The following TRIM49 variants were observed in gnomAD, a reference collection of about 807,000 sequenced individuals.
The protein encoded by TRIM49 is tripartite motif-containing protein 49.
In TRIM49, 5 loss-of-function variants were observed where a neutral mutation model predicts 27.4. The observed-to-expected ratio is 0.18, with a 90% CI of 0.10 to 0.38. TRIM49 has a LOEUF of 0.38. Ranked by LOEUF, TRIM49 falls within the 10% of genes least tolerant of loss-of-function variation. TRIM49 has a pLI of 1.00. For synonymous variants in TRIM49, 69 were observed against 166.0 expected (o/e 0.42, Z 4.49); for missense variants, 188 against 487.5 (o/e 0.39, Z 5.79).
chr11:89,796,427 G>A (rs1949689380), downstream of TRIM49, among the ~76,000 whole-genome samples: 1 of 137,622 alleles, frequency 7.3e-6, no homozygotes, highest in African/African-American at 3.1e-5. Context: ...GTAGACATGA[G>A]GTCTGACTAT....
downstream of TRIM49, among the ~76,000 whole-genome samples, chr11:89,792,720 G>C (rs1404798514): frequency 1.3e-5 from 2 of 152,132 alleles, no homozygotes; most frequent in African/African-American, 4.8e-5. Flanking sequence ...CAACATACTG[G>C]AATCTCTGGG....
chr11:89,785,232 A>G, the TRIM49 span, among the ~76,000 whole-genome samples: 787 of 66,928 alleles, frequency 0.012, 66 homozygotes, highest in African/African-American at 0.055. Context: ...CAGTGAATAA[A>G]TAAATAAATA....
chr11:89,795,885 T>TAA (rs770474789), downstream of TRIM49, among the ~76,000 whole-genome samples: 43 of 149,772 alleles, frequency 2.9e-4, no homozygotes, highest in African/African-American at 8.8e-4. Flanking sequence ...TAAAGTATAA[T>TAA]GAAAAAAAAA....
chr11:89,800,315 G>T (rs1949724400), intron 6 of TRIM49, among the ~76,000 whole-genome samples: 1 of 151,596 alleles, frequency 6.6e-6, no homozygotes, highest in Non-Finnish European at 1.5e-5. Flanking sequence ...ATGTATATAT[G>T]TATAAAAAAC....
chr11:89,768,127 G>T, the TRIM49 span: 24 of 872,096 alleles, frequency 2.8e-5, 2 homozygotes, highest in Non-Finnish European at 3.9e-5. Context: ...TGGGAAGGCT[G>T]CCCATAGAAA....
chr11:89,792,145 G>A, the TRIM49 span, among the ~76,000 whole-genome samples: 1 of 152,126 alleles, frequency 6.6e-6, no homozygotes, highest in Admixed American at 6.5e-5. Context: ...AAGAGACAAA[G>A]AAGGCCATTA....
At chr11:89,790,525 C>T in the TRIM49 span, among the ~76,000 whole-genome samples, 35 of 152,108 alleles carry the variant, frequency 2.3e-4, no homozygotes, top group African/African-American at 4.8e-4. Context: ...ACACCTCACA[C>T]GGCCACTTAC....
chr11:89,792,878 A>G (rs1949664571), downstream of TRIM49, among the ~76,000 whole-genome samples: 1 of 152,148 alleles, frequency 6.6e-6, no homozygotes, highest in Non-Finnish European at 1.5e-5. Context: ...AGCAGAAGGC[A>G]AGAAATAACT....
chr11:89,792,849 G>A (rs1326547669), downstream of TRIM49, among the ~76,000 whole-genome samples: 3 of 152,116 alleles, frequency 2.0e-5, no homozygotes, highest in Admixed American at 2.0e-4. Flanking sequence ...AGAAGCAAGA[G>A]CAAACACATT....
the TRIM49 span, among the ~76,000 whole-genome samples, chr11:89,790,889 G>A: frequency 6.6e-6 from 1 of 152,150 alleles, no homozygotes; most frequent in Non-Finnish European, 1.5e-5. Context: ...ATGGAACGAA[G>A]CTGGATGGAG....
At position 89,798,292 on chromosome 11, in the gene TRIM49, C is replaced by T; in HGVS notation, c.1197G>A (p.Leu399=). The change falls in exon 8 of 8, where the codon CTG becomes CTA. Residue 399 remains leucine (L), a synonymous_variant. Transcript: ENST00000329758. ...CSLFTTSPLM[L]QYIPKPTSRV... is the part of the protein sequence containing the mutation. ...GGCTGGTAGGTTTTGGGATATATTGCAGCATAAGTGGGGAGGTGGTAAAGA... is the reference window on the plus strand; with the variant it reads ...GGCTGGTAGGTTTTGGGATATATTGTAGCATAAGTGGGGAGGTGGTAAAGA... The T allele has an allele frequency of 1.3e-6, 2 of 1,577,524 alleles. No individual in the cohort carries two copies. Among genetic ancestry groups the T allele is most frequent in the Non-Finnish European group, 1.7e-6 (2 of 1,167,164 alleles).
the TRIM49 span, chr11:89,777,367 G>T: frequency 6.5e-7 from 1 of 1,532,022 alleles, no homozygotes; most frequent in Non-Finnish European, 8.8e-7. Context: ...CCAATAGGAT[G>T]GGCTGCTGAG....
rs1185210250 is a variant in TRIM49 at position 89,803,680 on chromosome 11, G to C, written c.507+18C>G. On this transcript the variant is annotated intron_variant, in intron 4 of 7. Coordinates refer to ENST00000329758, the MANE Select transcript of TRIM49 (RefSeq NM_020358.2). ...CCACCATAAGTTCCTGGAGAAGGTAGAGTAGTACAGGACTAACCTTCCAGC... is the reference window on the plus strand; with the variant it reads ...CCACCATAAGTTCCTGGAGAAGGTACAGTAGTACAGGACTAACCTTCCAGC... 9.9e-7 allele frequency: 1 copy of C among 1,014,604 alleles called. No homozygotes were observed. Among genetic ancestry groups the C allele is most frequent in the African/African-American group, 1.6e-5 (1 of 61,548 alleles). 62.9% of individuals were successfully genotyped at this position (1,014,604 alleles called of 1,614,324 possible). A position where few individuals can be genotyped will look rare whatever the true frequency, so the allele number is the denominator to read the frequency against.
chr11:89,790,851 T>C, the TRIM49 span, among the ~76,000 whole-genome samples: 4 of 152,006 alleles, frequency 2.6e-5, no homozygotes, highest in East Asian at 1.9e-4. Context: ...CCTCTCCCCC[T>C]CCAAAGGAAT....
intron 2 of TRIM49, among the ~76,000 whole-genome samples, chr11:89,805,724 T>G (rs480704): frequency 9.8e-4 from 48 of 49,104 alleles, no homozygotes; most frequent in African/African-American, 3.2e-3. Context: ...TTTTTTTTTG[T>G]TTTTTTTTTT....
the TRIM49 span, among the ~76,000 whole-genome samples, chr11:89,773,535 G>A: frequency 8.0e-6 from 1 of 125,266 alleles, no homozygotes; most frequent in African/African-American, 4.0e-5. Context: ...ACACAGCACG[G>A]ATGTGTTGGT....
At chr11:89,803,959 A>C in intron 3 of TRIM49, 100 bp downstream of exon 3, 1 of 1,610,078 alleles carries the variant, frequency 6.2e-7, no homozygotes, top group South Asian at 1.1e-5. Context: ...AGAGCTGCTT[A>C]AAGGGACTCA....
Position 89,799,763 on chromosome 11 carries a change from C to T in TRIM49, c.812G>A (p.Ser271Asn). Reference sequence around the variant, plus strand: ...CCTCAGTCCAGTGATGGGCCCTGCACTGAGCTCTGGATTCAGAGGCTGGGG... The same window carrying T: ...CCTCAGTCCAGTGATGGGCCCTGCATTGAGCTCTGGATTCAGAGGCTGGGG... The part of the protein sequence containing the change: ...HMPQPLNPEL[S>N]AGPITGLRDR... The change falls in exon 7 of 8, where the codon AGT becomes AAT. Residue 271 changes from serine to asparagine, a missense_variant. By Grantham distance (46) the Ser-to-Asn change is conservative. Around this residue, in one of 6 missense-constraint regions of TRIM49, gnomAD observed 14 missense variants for 118.8 expected, o/e 0.12. Coordinates refer to ENST00000329758, the MANE Select transcript of TRIM49 (RefSeq NM_020358.2). 2 of 1,497,696 alleles carry T rather than the reference C, an allele frequency of 1.3e-6. No homozygotes were observed. The highest frequency in any genetic ancestry group is 1.2e-5 in the South Asian group (1 of 82,524). The allele number at this position is 1,497,696 out of a possible 1,614,324, so 92.8% of individuals were successfully genotyped here. A position where few individuals can be genotyped will look rare whatever the true frequency, so the allele number is the denominator to read the frequency against.
the TRIM49 span, among the ~76,000 whole-genome samples, chr11:89,785,351 T>C: frequency 1.4e-5 from 2 of 143,416 alleles, no homozygotes; most frequent in Admixed American, 6.8e-5. Context: ...AAGGAGAACA[T>C]ACTTAACATG....
Sources: gnomAD v4.1 joint callset for allele counts (sites outside exome capture counted in the v4.1 genomes callset) on GRCh38, gnomAD v4.1.1 for gene constraint, gnomAD v4.1.1 regional missense constraint, MANE v1.5 for transcripts, NCBI Gene and HGNC (gene_info 2026-07-23, HGNC 2026-07-21) for gene names.